The following IFT172 variants were observed in gnomAD, a reference collection of about 807,000 sequenced individuals.
IFT172 encodes the protein intraflagellar transport 172.
In IFT172, 164 loss-of-function variants were observed where a neutral mutation model predicts 248.9. The ratio of observed to expected loss-of-function variants is 0.66; its 90% CI spans 0.58 to 0.75. IFT172 has a LOEUF of 0.75. IFT172 is among the 30% of genes least tolerant of loss of function. The pLI, the probability that IFT172 is intolerant of heterozygous loss-of-function variation, is 0.00. For synonymous variants in IFT172, 729 were observed against 791.6 expected (o/e 0.92, Z 1.33); for missense variants, 1,950 against 2,192.4 (o/e 0.89, Z 2.21).
intron 17 of IFT172, 114 bp from the exon 18 acceptor site, chr2:27,465,632 C>T (rs569150570): frequency 9.1e-6 from 14 of 1,541,326 alleles, no homozygotes; most frequent in East Asian, 9.0e-5. Context: ...CTCATCTCCT[C>T]CCAGGATCAC....
chr2:27,480,194 A>G (rs775115081), intron 8 of IFT172, 45 bp from the exon 9 acceptor site: 5 of 1,584,280 alleles, frequency 3.2e-6, no homozygotes, highest in Non-Finnish European at 4.3e-6. Context: ...AGGCTGAGCT[A>G]AAGAGTGCAA....
At chr2:27,489,097 G>C (rs748530680) in intron 1 of IFT172, among the ~76,000 whole-genome samples, 18 of 152,146 alleles carry the variant, frequency 1.2e-4, no homozygotes, top group Non-Finnish European at 2.2e-4. Flanking sequence ...ATTTTAAAAA[G>C]AAAATAAGAA....
At chr2:27,482,121 T>C (rs1668426488) in intron 7 of IFT172, among the ~76,000 whole-genome samples, 1 of 151,684 alleles carries the variant, frequency 6.6e-6, no homozygotes, top group African/African-American at 2.4e-5. Flanking sequence ...TAGCTGGGAT[T>C]CCGGGCACGT....
chr2:27,448,032 T>A (rs1022641069), intron 40 of IFT172, 110 bp from the exon 41 acceptor site: 10 of 662,970 alleles, frequency 1.5e-5, no homozygotes, highest in Non-Finnish European at 2.2e-5. Flanking sequence ...GAAATGGGTA[T>A]GTGTGTGTGT....
intron 25 of IFT172, chr2:27,459,079 C>T: frequency 1.6e-6 from 1 of 636,790 alleles, no homozygotes; most frequent in Non-Finnish European, 2.6e-6. Flanking sequence ...AAGGGCCTCA[C>T]ATTTCTGCAA....
At position 27,461,520 on chromosome 2, in the gene IFT172, G is replaced by A. The variant is rs906297666; in HGVS notation, c.2194-3C>T. On this transcript the variant is annotated splice_polypyrimidine_tract_variant and splice_region_variant and intron_variant, in intron 21 of 47. Coordinates refer to ENST00000260570, the MANE Select transcript of IFT172 (RefSeq NM_015662.3). ...AGCTTCTCCAGGGCTGGGTGCCCCTGGACATGCACAGAGGACAACTAGGAG... is the reference window on the plus strand; with the variant it reads ...AGCTTCTCCAGGGCTGGGTGCCCCTAGACATGCACAGAGGACAACTAGGAG... 1.9e-6 allele frequency: 3 copies of A among 1,613,426 alleles called. No homozygotes were observed. The highest frequency in any genetic ancestry group is 3.3e-5 in the Admixed American group (2 of 59,970).
intron 10 of IFT172, 52 bp from the exon 11 acceptor site, chr2:27,478,208 G>C (rs763829409): frequency 3.1e-6 from 5 of 1,608,252 alleles, no homozygotes; most frequent in Admixed American, 1.7e-5. Flanking sequence ...CCAAAAGAAG[G>C]GTGAACAACC....
intron 16 of IFT172, among the ~76,000 whole-genome samples, chr2:27,467,191 T>C (rs553305149): frequency 3.2e-4 from 48 of 152,126 alleles, no homozygotes; most frequent in Admixed American, 8.5e-4. Flanking sequence ...AAAAATTTAA[T>C]ATTTGAAGTA....
chr2:27,445,013 C>A lies in IFT172; in HGVS notation c.5160+1G>T. The A allele has an allele frequency of 1.2e-6, 2 of 1,613,568 alleles. No individual in the cohort carries two copies. Among genetic ancestry groups the A allele is most frequent in the South Asian group, 2.2e-5 (2 of 91,042 alleles). The stretch of plus-strand genomic sequence containing the variant: ...TCATTCTCCAAGTCCTCCTCTCTAA[C>A]CTTGATGGCCATAAGGAATTTATTC... On this transcript the variant is annotated splice_donor_variant, in intron 47 of 47. Coordinates refer to ENST00000260570, the MANE Select transcript of IFT172 (RefSeq NM_015662.3). LOFTEE classifies it high-confidence loss of function. The surrounding 1 kb of genome is among the most constrained non-coding windows in gnomAD (Gnocchi z 4.4).
Position 27,461,275 on chromosome 2 carries a change from G to A in IFT172, c.2436C>T (p.Tyr812=), listed in dbSNP as rs143142494. 274 of 1,614,044 alleles carry A rather than the reference G, an allele frequency of 1.7e-4. 1 individual carries two copies. Among genetic ancestry groups the A allele is most frequent in the Middle Eastern group, 4.9e-4 (3 of 6,062 alleles). ...GAAAAGGAAGCCAGCATACCCTTTC[G>A]TAGAGTTCCCCCTTGATAAGGGCTG... is the stretch of plus-strand genomic sequence containing the variant. The part of the protein sequence containing the change: ...ITAALIKGEL[Y]ERAGDLFEKI... The change falls in exon 22 of 48, where the codon TAC becomes TAT. Residue 812 remains tyrosine (Y), a synonymous_variant. Transcript: ENST00000260570.
At chr2:27,453,039 C>T (rs539208896) in intron 35 of IFT172, 5 of 363,030 alleles carry the variant, frequency 1.4e-5, no homozygotes, top group East Asian at 7.2e-5. Context: ...AGTCTTCCCT[C>T]CTTCTTCACA....
Position 27,472,369 on chromosome 2 carries a change from A to T in IFT172, c.1412-7T>A. 6.2e-7 allele frequency: 1 copy of T among 1,607,726 alleles called. No individual in the cohort carries two copies. Among genetic ancestry groups the T allele is most frequent in the Non-Finnish European group, 8.5e-7 (1 of 1,174,544 alleles). The stretch of plus-strand genomic sequence containing the variant: ...TAGCCACCAATCAGATCCACTATAG[A>T]ATAAAGGAGACAGGGTTAAGAAGAG... On this transcript the variant is annotated splice_region_variant and splice_polypyrimidine_tract_variant and intron_variant, in intron 14 of 47. Transcript: ENST00000260570.
At chr2:27,449,651 T>C in intron 37 of IFT172, 40 bp downstream of exon 37, 1 of 1,609,608 alleles carries the variant, frequency 6.2e-7, no homozygotes, top group East Asian at 2.2e-5. Flanking sequence ...CAAAAGGAAG[T>C]AAAAGAGAAT....
rs1307049259 is a variant in IFT172 at position 27,477,628 on chromosome 2, A to G, written c.1168-16T>C. ...GCCAGGCTATCTGTAACGGGAGAAGACTTAAGAAGCAATGTGGATAAATAC... is the reference window on the plus strand; with the variant it reads ...GCCAGGCTATCTGTAACGGGAGAAGGCTTAAGAAGCAATGTGGATAAATAC... On this transcript the variant is annotated splice_polypyrimidine_tract_variant and intron_variant, in intron 11 of 47. Transcript: ENST00000260570. 6.3e-7 allele frequency: 1 copy of G among 1,578,570 alleles called. No individual in the cohort carries two copies. Among genetic ancestry groups the G allele is most frequent in the Non-Finnish European group, 8.7e-7 (1 of 1,147,524 alleles).
chr2:27,454,402 G>A lies in IFT172; in HGVS notation c.3482C>T (p.Ala1161Val). Residue 1161 changes from alanine (A) to valine (V), a missense_variant, in exon 32 of 48, where the codon GCT becomes GTT. Ala to Val is a moderately conservative substitution (Grantham distance 64). Coordinates refer to ENST00000260570, the MANE Select transcript of IFT172 (RefSeq NM_015662.3). The surrounding 1 kb of genome is among the most constrained non-coding windows in gnomAD (Gnocchi z 4.2). ...ACCAGCTCTGATGAATTCAGCTTCA[G>A]CCTCTTCGAATTTACCCTACAGGGA... The part of the protein sequence containing the change: ...FLEDEGKFEE[A>V]EAEFIRAGKP... 6.2e-7 allele frequency: 1 copy of A among 1,614,190 alleles called. No individual in the cohort carries two copies. Among genetic ancestry groups the A allele is most frequent in the Non-Finnish European group, 8.5e-7 (1 of 1,180,036 alleles).
At chr2:27,473,688 C>T (rs1163275915) in intron 14 of IFT172, among the ~76,000 whole-genome samples, 3 of 151,966 alleles carry the variant, frequency 2.0e-5, no homozygotes, top group Admixed American at 1.3e-4. Context: ...TCCTCAGAAC[C>T]CTGAAATTAT....
intron 7 of IFT172, 56 bp from the exon 8 acceptor site, chr2:27,481,316 C>A (rs935642964): frequency 2.2e-6 from 3 of 1,359,672 alleles, no homozygotes; most frequent in Non-Finnish European, 3.1e-6. Flanking sequence ...CCGAGAAATT[C>A]CTCACTCTCA....
Position 27,445,780 on chromosome 2 carries a change from A to AGGG in IFT172, c.4876_4878dup (p.Pro1626dup), listed in dbSNP as rs1437853998. ...TGCTTAGCTGGGAGTGGCACCTCAA[A>AGGG]GGGAATGTCTGTATCCTGAAAATCA... On this transcript the variant is annotated inframe_insertion, in exon 45 of 48. Transcript: ENST00000260570. The surrounding 1 kb of genome is among the most constrained non-coding windows in gnomAD (Gnocchi z 4.4). 1.9e-6 allele frequency: 3 copies of AGGG among 1,614,126 alleles called. No individual in the cohort carries two copies. In the Admixed American group the frequency reaches 5.0e-5, roughly 27 times the overall value.
At position 27,445,884 on chromosome 2, in the gene IFT172, G is replaced by A. The variant is rs188659223; in HGVS notation, c.4816-41C>T. The A allele has an allele frequency of 1.6e-5, 26 of 1,614,014 alleles. 1 individual carries two copies. The highest frequency in any genetic ancestry group is 1.6e-4 in the African/African-American group (12 of 74,904). ...CAACCATGAACTAGGCACAGCTCGC[G>A]ACTGGCAAAAACCTCCACCCTCGGG... On this transcript the variant is annotated intron_variant, in intron 44 of 47. Transcript: ENST00000260570. This position sits in a 1 kb window ranked among gnomAD's most constrained non-coding sequence, Gnocchi z 4.4.
Sources: allele counts gnomAD v4.1 joint callset (sites outside exome capture counted in the v4.1 genomes callset), GRCh38; gene constraint gnomAD v4.1.1; non-coding constraint Gnocchi (gnomAD v3.1); transcripts MANE v1.5; gene names NCBI Gene and HGNC (gene_info 2026-07-23, HGNC 2026-07-21).